ANK3: variants seen among roughly 807,000 people sequenced by gnomAD.
ANK3 encodes ankyrin 3.
In ANK3, 57 loss-of-function variants were observed where a neutral mutation model predicts 370.9. The observed-to-expected ratio is 0.15, with a 90% CI of 0.12 to 0.19. The LOEUF is 0.19. ANK3 is among the 10% of genes least tolerant of loss of function. The pLI is 1.00. For missense variants in ANK3, 4,439 were observed against 5,302.1 expected (o/e 0.84, Z 5.06); for synonymous variants, 1,929 against 1,946.3 (o/e 0.99, Z 0.23).
intron 1 of ANK3, among the ~76,000 whole-genome samples, chr10:60,655,832 AC>A (rs2078856006): frequency 6.6e-6 from 1 of 152,126 alleles, no homozygotes; most frequent in Admixed American, 6.6e-5. Flanking sequence ...ACCACTGTTT[AC>A]CTTTTAGACA....
At chr10:60,497,522 C>T (rs780502761) in intron 2 of ANK3, among the ~76,000 whole-genome samples, 1 of 152,112 alleles carries the variant, frequency 6.6e-6, no homozygotes, top group Non-Finnish European at 1.5e-5. Context: ...ATGCACAAAG[C>T]AAAATGCTGG....
intron 23 of ANK3, among the ~76,000 whole-genome samples, chr10:60,142,026 T>C (rs1001487599): frequency 2.0e-5 from 3 of 152,222 alleles, no homozygotes; most frequent in Non-Finnish European, 4.4e-5. Flanking sequence ...CATCGACTTT[T>C]TAAGTCTGTA....
intron 2 of ANK3, among the ~76,000 whole-genome samples, chr10:60,456,750 C>A (rs936983776): frequency 6.6e-6 from 1 of 152,130 alleles, no homozygotes; most frequent in Non-Finnish European, 1.5e-5. Flanking sequence ...TACCCAAGTT[C>A]CTCTAAGACT....
At chr10:60,572,793 T>C (rs1203198429) in intron 2 of ANK3, 9 of 1,237,164 alleles carry the variant, frequency 7.3e-6, no homozygotes, top group Middle Eastern at 6.3e-4. Context: ...ATCAATATTT[T>C]AGCCTTTCAT....
intron 1 of ANK3, among the ~76,000 whole-genome samples, chr10:60,280,620 G>C (rs942787842): frequency 6.6e-6 from 1 of 152,224 alleles, no homozygotes; most frequent in Admixed American, 6.5e-5. Context: ...ACACTGCAAA[G>C]CTGGGCCTGC....
At chr10:60,045,166 G>A (rs2076738001) in intron 42 of ANK3, among the ~76,000 whole-genome samples, 1 of 152,122 alleles carries the variant, frequency 6.6e-6, no homozygotes, top group Admixed American at 6.5e-5. Context: ...TCTATTGGCT[G>A]TAACATATGG....
At chr10:60,381,875 A>T (rs2061596168) in intron 1 of ANK3, among the ~76,000 whole-genome samples, 2 of 152,196 alleles carry the variant, frequency 1.3e-5, no homozygotes. Context: ...GTGAACTCAC[A>T]TTGAGCCTCA....
At chr10:60,182,468 A>G (rs950103549) in intron 17 of ANK3, among the ~76,000 whole-genome samples, 3 of 152,206 alleles carry the variant, frequency 2.0e-5, no homozygotes, top group Non-Finnish European at 4.4e-5. Context: ...ATTGTAAAGC[A>G]TTTTTTATAA....
rs544357242 is a variant in ANK3 at position 60,075,744 on chromosome 10, C to T, written c.5137G>A (p.Val1713Ile). The change falls in exon 37 of 44, where the codon GTA (valine) becomes ATA (isoleucine). Residue 1713 changes from valine (V) to isoleucine (I), a missense_variant. Transcript: ENST00000280772. ...GAAATAGATCCATTGACTAATGCTA[C>T]CTCTGCATGTCCAGGCATCTGCTTC... ...PVKQMPGHAE[V>I]ALVNGSISPL... 986 of 1,614,126 alleles carry T rather than the reference C, an allele frequency of 6.1e-4. 13 individuals are homozygous for T. The South Asian group carries it at 0.01, about 17-fold the overall frequency.
chr10:60,567,436 C>A (rs1283694442), intron 2 of ANK3, among the ~76,000 whole-genome samples: 1 of 152,044 alleles, frequency 6.6e-6, no homozygotes, highest in Non-Finnish European at 1.5e-5. Flanking sequence ...ATATTTTAAG[C>A]CTACTGTTGA....
At chr10:60,588,628 T>A (rs1239780623) in intron 2 of ANK3, among the ~76,000 whole-genome samples, 1 of 151,806 alleles carries the variant, frequency 6.6e-6, no homozygotes, top group Admixed American at 6.6e-5. Flanking sequence ...TCAAAAAATA[T>A]ATTACAAAGG....
chr10:60,086,833 T>C lies in ANK3; in HGVS notation c.3592A>G (p.Thr1198Ala). Reference protein sequence around the residue: ...IVKKILGNKATFSPIVTVEPR... With the variant: ...IVKKILGNKAAFSPIVTVEPR... ...TCCACAGTGACAATTGGGCTAAAAG[T>C]TGCTTTGTTTCCAAGGATCTTTTTC... The change falls in exon 30 of 44, where the codon ACT (threonine) becomes GCT (alanine). Residue 1198 changes from threonine to alanine, a missense_variant. Physicochemically the swap from Thr to Ala is moderately conservative, Grantham distance 58 (BLOSUM62 0). Transcript: ENST00000280772. The C allele has an allele frequency of 6.2e-7, 1 of 1,613,994 alleles. No individual in the cohort carries two copies. The highest frequency in any genetic ancestry group is 8.5e-7 in the Non-Finnish European group (1 of 1,179,988).
chr10:60,681,754 A>G (rs772735085), intron 1 of ANK3, among the ~76,000 whole-genome samples: 1 of 152,246 alleles, frequency 6.6e-6, no homozygotes, highest in Non-Finnish European at 1.5e-5. Flanking sequence ...CGACTTGGAC[A>G]TGGAAGTAAG....
At chr10:60,051,661 C>CTTATTT in intron 42 of ANK3, 1 of 149,426 alleles carries the variant, frequency 6.7e-6, no homozygotes, top group Non-Finnish European at 1.1e-5. Context: ...TTGATGTTTT[C>CTTATTT]TTCTTTTTTT....
Position 60,059,334 on chromosome 10 carries a change from C to G in ANK3, c.12686+6G>C. ...GTTCACTTTCCTTTTTTTGAAACAG[C>G]CATACCTGTCATCCAGTCGATCTAG... On this transcript the variant is annotated splice_donor_region_variant and intron_variant, in intron 41 of 43. Coordinates refer to ENST00000280772, the MANE Select transcript of ANK3 (RefSeq NM_020987.5). The G allele has an allele frequency of 6.2e-7, 1 of 1,612,878 alleles. No homozygotes were observed. Among genetic ancestry groups the G allele is most frequent in the African/African-American group, 1.3e-5 (1 of 74,980 alleles).
chr10:60,642,430 C>T (rs1489618275), intron 1 of ANK3, among the ~76,000 whole-genome samples: 1 of 152,130 alleles, frequency 6.6e-6, no homozygotes, highest in African/African-American at 2.4e-5. Context: ...GGCACATATA[C>T]ACCATGGAAT....
At chr10:60,439,516 T>A (rs978515415) in intron 2 of ANK3, among the ~76,000 whole-genome samples, 25 of 151,388 alleles carry the variant, frequency 1.7e-4, no homozygotes, top group African/African-American at 6.1e-4. Flanking sequence ...CAAAAAAAAA[T>A]AATTTAAAAA....
chr10:60,031,655 G>A (rs757726066), intron 43 of ANK3, among the ~76,000 whole-genome samples: 4 of 152,088 alleles, frequency 2.6e-5, no homozygotes, highest in African/African-American at 7.2e-5. Flanking sequence ...TTTAGAATTC[G>A]ACTTCTCTTG....
At chr10:60,213,721 A>T (rs1288963835) in intron 8 of ANK3, among the ~76,000 whole-genome samples, 7 of 152,206 alleles carry the variant, frequency 4.6e-5, no homozygotes, top group Admixed American at 3.9e-4. Flanking sequence ...GTAATTTCCC[A>T]CAAGTTTGAA....
Sources: allele counts gnomAD v4.1 joint callset (sites outside exome capture counted in the v4.1 genomes callset), GRCh38; gene constraint gnomAD v4.1.1; transcripts MANE v1.5; gene names NCBI Gene and HGNC (gene_info 2026-07-23, HGNC 2026-07-21).